STPG2: variants seen among roughly 807,000 people sequenced by gnomAD.
STPG2 encodes sperm tail PG-rich repeat containing 2.
STPG2 carries 56 observed loss-of-function variants against 54.2 expected under a neutral mutation model. That is an observed-to-expected ratio of 1.03 (90% CI 0.83 to 1.29). The LOEUF (loss-of-function observed/expected upper bound fraction) is 1.29, where lower values mean the gene tolerates loss of function less well. Ranked by LOEUF, STPG2 falls within the 50% of genes most tolerant of loss-of-function variation. The pLI is 0.00. For missense variants in STPG2, 596 were observed against 544.9 expected, an observed-to-expected ratio of 1.09 and a Z score of -0.93; for synonymous variants, 200 against 181.8, an observed-to-expected ratio of 1.10 and a Z score of -0.81.
intron 1 of STPG2, among the ~76,000 whole-genome samples, chr4:98,138,019 A>T (rs1740180798): frequency 6.6e-6 from 1 of 152,036 alleles, no homozygotes; most frequent in Admixed American, 6.6e-5. Flanking sequence ...TGTGTGCCTA[A>T]TGTTTACAGT....
At chr4:97,639,324 TCA>T (rs1353268941) in intron 10 of STPG2, among the ~76,000 whole-genome samples, 1 of 145,650 alleles carries the variant, frequency 6.9e-6, no homozygotes, top group Non-Finnish European at 1.5e-5. Context: ...AAGGGGAACA[TCA>T]CACTCTGGGG....
intron 10 of STPG2, among the ~76,000 whole-genome samples, chr4:97,702,334 T>A (rs1214418162): frequency 1.3e-5 from 2 of 152,196 alleles, no homozygotes; most frequent in African/African-American, 4.8e-5. Flanking sequence ...TTCAACATTA[T>A]CCCACATCCT....
chr4:98,085,708 T>C (rs1457176804), intron 5 of STPG2, among the ~76,000 whole-genome samples: 1 of 152,106 alleles, frequency 6.6e-6, no homozygotes, highest in African/African-American at 2.4e-5. Context: ...AATCAATTTA[T>C]TTTTCTATGT....
intron 9 of STPG2, among the ~76,000 whole-genome samples, chr4:97,733,859 A>G (rs979683463): frequency 5.3e-5 from 8 of 152,002 alleles, no homozygotes; most frequent in Non-Finnish European, 4.4e-5. Flanking sequence ...GGTTTACTCG[A>G]TATTTTGGTT....
chr4:97,752,910 T>C (rs1288443481), intron 9 of STPG2, among the ~76,000 whole-genome samples: 5 of 151,900 alleles, frequency 3.3e-5, no homozygotes, highest in Non-Finnish European at 7.4e-5. Flanking sequence ...ATATGAATAG[T>C]AGAGTGTCTT....
chr4:97,956,721 A>G (rs1455080613), intron 7 of STPG2, among the ~76,000 whole-genome samples: 13 of 152,142 alleles, frequency 8.5e-5, no homozygotes, highest in Non-Finnish European at 1.9e-4. Context: ...AGACATAACA[A>G]TTACTACAGC....
intron 8 of STPG2, among the ~76,000 whole-genome samples, chr4:97,907,027 C>G (rs1233329239): frequency 4.0e-5 from 6 of 150,952 alleles, no homozygotes; most frequent in Admixed American, 1.3e-4. Context: ...GGCAATTAGG[C>G]AGGAGAAGGA....
At chr4:98,120,533 T>G (rs1044121731) in intron 3 of STPG2, among the ~76,000 whole-genome samples, 1 of 152,210 alleles carries the variant, frequency 6.6e-6, no homozygotes, top group Non-Finnish European at 1.5e-5. Context: ...CCACCAACAG[T>G]GTAAAGGCAT....
intron 9 of STPG2, among the ~76,000 whole-genome samples, chr4:97,746,201 C>A (rs898328101): frequency 1.1e-4 from 17 of 151,088 alleles, no homozygotes; most frequent in African/African-American, 4.1e-4. Flanking sequence ...TCTATATATT[C>A]TATTACCTTG....
chr4:97,918,759 A>C (rs1443104349), intron 8 of STPG2, among the ~76,000 whole-genome samples: 1 of 152,148 alleles, frequency 6.6e-6, no homozygotes. Flanking sequence ...AGTAGGAGTT[A>C]AGCTATGAGA....
chr4:98,031,677 C>T (rs754703848), intron 5 of STPG2, among the ~76,000 whole-genome samples: 1 of 151,942 alleles, frequency 6.6e-6, no homozygotes, highest in Non-Finnish European at 1.5e-5. Context: ...AAGAACAAAA[C>T]TCTGTCTCAA....
chr4:98,045,839 C>T (rs28451676), intron 5 of STPG2, among the ~76,000 whole-genome samples: 59,948 of 151,812 alleles, frequency 0.39, 12,065 homozygotes, highest in Middle Eastern at 0.46. Flanking sequence ...TGCCTCTTTG[C>T]ATTCATTTTA....
intron 9 of STPG2, among the ~76,000 whole-genome samples, chr4:97,820,387 T>A (rs1477629799): frequency 2.0e-5 from 3 of 151,890 alleles, no homozygotes; most frequent in Non-Finnish European, 2.9e-5. Flanking sequence ...AAAGGAAGAG[T>A]CAGGGGTCTC....
chr4:97,993,919 A>G lies in STPG2; in HGVS notation c.613-12601T>C, dbSNP rs182371142. On this transcript the variant is annotated intron_variant, in intron 5 of 10. Coordinates refer to ENST00000295268, the MANE Select transcript of STPG2 (RefSeq NM_174952.3). ...GAATGATCTTTTGTATTTCTGTGGT[A>G]TCAGTTTTAATAGTTCCTGTTTCAT... Among the ~76,000 whole-genome samples the G allele has an allele frequency of 2.9e-3, 435 of 152,270 alleles. 3 individuals are homozygous for G. Among genetic ancestry groups the G allele is most frequent in the African/African-American group, 9.9e-3 (410 of 41,566 alleles).
intron 9 of STPG2, among the ~76,000 whole-genome samples, chr4:97,833,115 A>G (rs569039203): frequency 1.7e-4 from 26 of 152,312 alleles, no homozygotes; most frequent in African/African-American, 6.3e-4. Context: ...AAACTATACT[A>G]CAAGGCTACA....
chr4:97,902,898 T>C (rs938188483), intron 8 of STPG2, among the ~76,000 whole-genome samples: 6 of 152,130 alleles, frequency 3.9e-5, no homozygotes, highest in African/African-American at 1.2e-4. Flanking sequence ...TCAACATAAG[T>C]GGCCACTAAT....
intron 8 of STPG2, among the ~76,000 whole-genome samples, chr4:97,884,611 T>C (rs919667389): frequency 9.2e-5 from 14 of 152,260 alleles, no homozygotes; most frequent in African/African-American, 3.4e-4. Flanking sequence ...CCATCTACTC[T>C]GTGGTATTTG....
At chr4:97,981,419 AT>A in intron 5 of STPG2, 101 bp from the exon 6 acceptor site, 1 of 1,191,820 alleles carries the variant, frequency 8.4e-7, no homozygotes, top group Non-Finnish European at 1.2e-6. Flanking sequence ...TCTGGAGTTA[AT>A]TTATTTCTTA....
At chr4:97,938,273 C>T (rs1299458579) in intron 8 of STPG2, among the ~76,000 whole-genome samples, 4 of 152,212 alleles carry the variant, frequency 2.6e-5, no homozygotes, top group African/African-American at 4.8e-5. Flanking sequence ...GGAGCTATAG[C>T]GATGGCTGCT....
Sources: allele counts gnomAD v4.1 joint callset (sites outside exome capture counted in the v4.1 genomes callset), GRCh38; gene constraint gnomAD v4.1.1; transcripts MANE v1.5; gene names NCBI Gene and HGNC (gene_info 2026-07-23, HGNC 2026-07-21).